The following HBS1L variants were observed in gnomAD, a reference collection of about 807,000 sequenced individuals.
HBS1L encodes HBS1 like translational GTPase.
HBS1L carries 55 observed loss-of-function variants against 88.9 expected under a neutral mutation model. That is an observed-to-expected ratio of 0.62 (90% CI 0.50 to 0.77). HBS1L has a LOEUF of 0.77. Ranked by LOEUF, HBS1L falls within the 30% of genes least tolerant of loss-of-function variation. The probability of loss-of-function intolerance (pLI) is 0.00; values close to 1 mark genes in which losing one functional copy is unlikely to be tolerated. For synonymous variants in HBS1L, 267 were observed against 288.5 expected (o/e 0.93, Z 0.76); for missense variants, 741 against 829.3 (o/e 0.89, Z 1.31).
intron 15 of HBS1L, among the ~76,000 whole-genome samples, chr6:134,974,224 C>G (rs1261778020): frequency 6.6e-6 from 1 of 151,850 alleles, no homozygotes; most frequent in Non-Finnish European, 1.5e-5. Context: ...AAATCCTAAA[C>G]AGACACATAT....
At chr6:134,966,504 T>C in intron 16 of HBS1L, 31 bp from the exon 17 acceptor site, 1 of 1,467,298 alleles carries the variant, frequency 6.8e-7, no homozygotes, top group Non-Finnish European at 9.3e-7. Flanking sequence ...CAAATGAATA[T>C]ATGATAGAGG....
intron 15 of HBS1L, among the ~76,000 whole-genome samples, chr6:134,969,895 G>A (rs368587631): frequency 6.6e-6 from 1 of 152,042 alleles, no homozygotes; most frequent in African/African-American, 2.4e-5. Context: ...TAGAGAGGGG[G>A]ATAATATCAT....
rs1346964490 is a variant in HBS1L at position 134,960,828 on chromosome 6, T to C, written c.*4451A>G. On this transcript the variant is annotated 3_prime_UTR_variant, in exon 18 of 18. Transcript: ENST00000367837. ...TCATGTTAAATGAGTATATGAAAAT[T>C]GCTTGGCACATGGTATACACCCAAC... 6.6e-6 allele frequency: 1 copy of C among 152,184 alleles called. No individual in the cohort carries two copies. The highest frequency in any genetic ancestry group is 2.4e-5 in the African/African-American group (1 of 41,456). 9.4% of individuals were successfully genotyped at this position (152,184 alleles called of 1,614,324 possible). A position where few individuals can be genotyped will look rare whatever the true frequency, so the allele number is the denominator to read the frequency against.
At chr6:134,986,590 A>T (rs1774984956) in intron 10 of HBS1L, 146 bp downstream of exon 10, 2 of 473,744 alleles carry the variant, frequency 4.2e-6, no homozygotes, top group Admixed American at 8.0e-5. Flanking sequence ...AATCCAAAGA[A>T]TATATTATAT....
intron 4 of HBS1L, among the ~76,000 whole-genome samples, chr6:135,015,139 T>C (rs759598254): frequency 6.6e-6 from 1 of 152,140 alleles, no homozygotes; most frequent in Non-Finnish European, 1.5e-5. Flanking sequence ...TTAAAACACA[T>C]GAAGCAATTC....
At chr6:135,025,845 G>C (rs1253148808) in intron 4 of HBS1L, among the ~76,000 whole-genome samples, 2 of 152,060 alleles carry the variant, frequency 1.3e-5, no homozygotes, top group African/African-American at 4.8e-5. Flanking sequence ...GAAAAAGAAA[G>C]ACAGGATAAA....
At chr6:135,017,345 T>A (rs1328594652) in intron 4 of HBS1L, among the ~76,000 whole-genome samples, 1 of 152,190 alleles carries the variant, frequency 6.6e-6, no homozygotes, top group Non-Finnish European at 1.5e-5. Context: ...CTAGGGATAA[T>A]GTTCTTAAAT....
Position 135,001,022 on chromosome 6 carries a change from T to TCTATAACTAC in HBS1L, c.539+1702_539+1711dup, listed in dbSNP as rs553149852. 2.1e-3 allele frequency among the ~76,000 whole-genome samples: 314 copies of TCTATAACTAC among 152,346 alleles called. 1 individual carries two copies. The highest frequency in any genetic ancestry group is 7.2e-3 in the African/African-American group (298 of 41,580). ...TATTAAGCATTTCTGAGTATTTCGATCTATAACTACAGACCTTTCACATTC... is the reference window on the plus strand; with the variant it reads ...TATTAAGCATTTCTGAGTATTTCGATCTATAACTACCTATAACTACAGACCTTTCACATTC... On this transcript the variant is annotated intron_variant, in intron 5 of 17. Transcript: ENST00000367837.
At chr6:135,015,861 G>C (rs1053152509) in intron 4 of HBS1L, among the ~76,000 whole-genome samples, 3 of 146,200 alleles carry the variant, frequency 2.1e-5, no homozygotes, top group African/African-American at 7.6e-5. Flanking sequence ...GGGATTATAG[G>C]CATGAGCTAA....
chr6:135,052,812 A>G (rs141698355), intron 1 of HBS1L, among the ~76,000 whole-genome samples: 35 of 152,328 alleles, frequency 2.3e-4, no homozygotes, highest in Admixed American at 3.3e-4. Flanking sequence ...TAAATCAGTG[A>G]CTGAGGCAGT....
Position 135,006,920 on chromosome 6 carries a change from CAT to C in HBS1L, c.431-4080_431-4079del, listed in dbSNP as rs10600861. Among the ~76,000 whole-genome samples the C allele has an allele frequency of 7.7e-3, 1,169 of 152,142 alleles. 10 individuals are homozygous for C. The highest frequency in any genetic ancestry group is 0.027 in the African/African-American group (1,110 of 41,490). On this transcript the variant is annotated intron_variant, in intron 4 of 17. Coordinates refer to ENST00000367837, the MANE Select transcript of HBS1L (RefSeq NM_006620.4). ...CTGTCAAAAGAAGAGGAAAAAAAAA[CAT>C]AGAGCATGAAAATGTCTCAATCCAG...
At chr6:135,012,572 AAT>A (rs1416267486) in intron 4 of HBS1L, among the ~76,000 whole-genome samples, 3 of 152,114 alleles carry the variant, frequency 2.0e-5, no homozygotes, top group Admixed American at 1.3e-4. Context: ...CAGCTAATAA[AAT>A]ATACTCTGTA....
At chr6:134,987,512 A>T (rs1374911901) in intron 9 of HBS1L, 133 bp downstream of exon 9, 1 of 556,796 alleles carries the variant, frequency 1.8e-6, no homozygotes, top group Non-Finnish European at 2.9e-6. Flanking sequence ...TTAAGATGAG[A>T]ACAGAGAATT....
Position 134,960,601 on chromosome 6 carries a change from CT to C in HBS1L, c.*4677del, listed in dbSNP as rs1455333306. On this transcript the variant is annotated 3_prime_UTR_variant, in exon 18 of 18. Coordinates refer to ENST00000367837, the MANE Select transcript of HBS1L (RefSeq NM_006620.4). ...AATTTTTTTTTACTTGCTTTAAATT[CT>C]TTGTCCAGTGTTAATATTGCTACTC... 6.6e-6 allele frequency: 1 copy of C among 151,756 alleles called. No homozygotes were observed. Among genetic ancestry groups the C allele is most frequent in the Non-Finnish European group, 1.5e-5 (1 of 67,882 alleles). The allele number at this position is 151,756 out of a possible 1,614,324, so 9.4% of individuals were successfully genotyped here. A position where few individuals can be genotyped will look rare whatever the true frequency, so the allele number is the denominator to read the frequency against.
chr6:135,052,626 A>AGTTT, intron 1 of HBS1L, among the ~76,000 whole-genome samples: 1 of 152,018 alleles, frequency 6.6e-6, no homozygotes, highest in African/African-American at 2.4e-5. Context: ...TTACTAGGTC[A>AGTTT]GTTTGTCAAT....
At chr6:135,023,022 A>T (rs1402623340) in intron 4 of HBS1L, among the ~76,000 whole-genome samples, 1 of 151,972 alleles carries the variant, frequency 6.6e-6, no homozygotes, top group Non-Finnish European at 1.5e-5. Context: ...TAAGAGAAAG[A>T]CAAATACAGC....
chr6:135,019,848 A>C (rs1296930902), intron 4 of HBS1L, among the ~76,000 whole-genome samples: 12 of 151,934 alleles, frequency 7.9e-5, no homozygotes, highest in African/African-American at 2.7e-4. Flanking sequence ...CATAGTAACA[A>C]ATATAATGAA....
At chr6:134,999,448 C>CTTA (rs753720042) in intron 5 of HBS1L, among the ~76,000 whole-genome samples, 1 of 124,776 alleles carries the variant, frequency 8.0e-6, no homozygotes, top group Non-Finnish European at 1.6e-5. Flanking sequence ...TTTTTCTTTT[C>CTTA]TTTTTTTTTT....
chr6:135,000,363 T>C (rs1403356600), intron 5 of HBS1L, among the ~76,000 whole-genome samples: 1 of 151,536 alleles, frequency 6.6e-6, no homozygotes, highest in Non-Finnish European at 1.5e-5. Context: ...GCCCACCCTG[T>C]ACACTTACCT....
Sources: allele counts gnomAD v4.1 joint callset (sites outside exome capture counted in the v4.1 genomes callset), GRCh38; gene constraint gnomAD v4.1.1; transcripts MANE v1.5; gene names NCBI Gene and HGNC (gene_info 2026-07-23, HGNC 2026-07-21).